TBC1D32: variants seen among roughly 807,000 people sequenced by gnomAD.
The protein encoded by TBC1D32 is TBC1 domain family member 32.
TBC1D32 carries 151 observed loss-of-function variants against 170.3 expected under a neutral mutation model. The ratio of observed to expected loss-of-function variants is 0.89; its 90% CI spans 0.78 to 1.01. TBC1D32 has a LOEUF of 1.01. Ranked by LOEUF, TBC1D32 falls within the 50% of genes least tolerant of loss-of-function variation. TBC1D32 has a pLI of 0.00. For missense variants in TBC1D32, 1,464 were observed against 1,457.1 expected, an observed-to-expected ratio of 1.00 and a Z score of -0.08; for synonymous variants, 498 against 488.0, an observed-to-expected ratio of 1.02 and a Z score of -0.27.
At chr6:121,314,773 T>C (rs1301861664) in intron 3 of TBC1D32, among the ~76,000 whole-genome samples, 4 of 152,162 alleles carry the variant, frequency 2.6e-5, no homozygotes, top group Non-Finnish European at 5.9e-5. Context: ...CAGTTAAAAA[T>C]GGCCCAGAGA....
intron 24 of TBC1D32, among the ~76,000 whole-genome samples, chr6:121,145,095 A>G (rs1040442744): frequency 1.8e-4 from 28 of 152,262 alleles, no homozygotes; most frequent in East Asian, 5.8e-4. Flanking sequence ...TAATGGGAAT[A>G]CTCAGCTAAC....
intron 22 of TBC1D32, among the ~76,000 whole-genome samples, chr6:121,170,224 A>G (rs1473318704): frequency 6.6e-6 from 1 of 151,960 alleles, no homozygotes; most frequent in Admixed American, 6.6e-5. Context: ...AGCACTCTCC[A>G]AACACTTCTA....
At chr6:121,293,804 G>C (rs1805217451) in intron 11 of TBC1D32, among the ~76,000 whole-genome samples, 1 of 152,046 alleles carries the variant, frequency 6.6e-6, no homozygotes, top group South Asian at 2.1e-4. Context: ...CCAGCTACTT[G>C]GGAGGCTGAG....
At chr6:121,234,514 T>G (rs1381642129) in intron 20 of TBC1D32, among the ~76,000 whole-genome samples, 1 of 152,104 alleles carries the variant, frequency 6.6e-6, no homozygotes. Flanking sequence ...ACTGAGACTT[T>G]CCAGTGCATT....
At chr6:121,184,154 C>T (rs115597000) in intron 22 of TBC1D32, among the ~76,000 whole-genome samples, 1,904 of 152,134 alleles carry the variant, frequency 0.013, 37 homozygotes, top group African/African-American at 0.043. Flanking sequence ...TCACCAGGCA[C>T]GGACAATGTA....
intron 30 of TBC1D32, among the ~76,000 whole-genome samples, chr6:121,101,655 G>T (rs958565601): frequency 3.9e-5 from 6 of 152,134 alleles, no homozygotes; most frequent in Admixed American, 1.3e-4. Context: ...AAAACTGGAA[G>T]CATTCCCTTT....
At chr6:121,089,612 C>T (rs939556035) in intron 31 of TBC1D32, among the ~76,000 whole-genome samples, 2 of 152,014 alleles carry the variant, frequency 1.3e-5, no homozygotes, top group African/African-American at 2.4e-5. Flanking sequence ...TCTCAGCATA[C>T]TTTTTCATTA....
At chr6:121,270,067 G>A (rs1192033481) in intron 15 of TBC1D32, among the ~76,000 whole-genome samples, 2 of 151,954 alleles carry the variant, frequency 1.3e-5, no homozygotes, top group African/African-American at 2.4e-5. Flanking sequence ...AAACCAACGA[G>A]AACAAAGACA....
chr6:121,274,922 T>C (rs1802017436), intron 15 of TBC1D32, among the ~76,000 whole-genome samples: 1 of 152,106 alleles, frequency 6.6e-6, no homozygotes, highest in African/African-American at 2.4e-5. Flanking sequence ...TGTAGATGGC[T>C]TAGCACTGCA....
intron 2 of TBC1D32, among the ~76,000 whole-genome samples, chr6:121,319,291 G>A (rs1809361908): frequency 6.6e-6 from 1 of 151,986 alleles, no homozygotes; most frequent in South Asian, 2.1e-4. Flanking sequence ...GACATAAAGA[G>A]CAAAAAGAAG....
chr6:121,311,401 A>G (rs1021426739), intron 3 of TBC1D32, among the ~76,000 whole-genome samples: 1 of 152,218 alleles, frequency 6.6e-6, no homozygotes, highest in Admixed American at 6.5e-5. Flanking sequence ...CAATTTAAAC[A>G]TGTATAATAT....
At chr6:121,140,485 GTA>G (rs1782652864) in intron 24 of TBC1D32, among the ~76,000 whole-genome samples, 1 of 151,756 alleles carries the variant, frequency 6.6e-6, no homozygotes, top group Non-Finnish European at 1.5e-5. Context: ...ATATTATTTG[GTA>G]TATTACATTA....
intron 25 of TBC1D32, chr6:121,129,776 A>G (rs1781232755): frequency 2.9e-6 from 1 of 344,456 alleles, no homozygotes; most frequent in African/African-American, 2.2e-5. Context: ...GGATAAAAGG[A>G]AGAAGTCAAG....
intron 4 of TBC1D32, among the ~76,000 whole-genome samples, chr6:121,309,073 C>T (rs1193284735): frequency 6.6e-6 from 1 of 151,928 alleles, no homozygotes; most frequent in Non-Finnish European, 1.5e-5. Context: ...AACTTTTAGA[C>T]AAAATAGACA....
At chr6:121,093,893 A>C (rs540055943) in intron 30 of TBC1D32, among the ~76,000 whole-genome samples, 1 of 152,268 alleles carries the variant, frequency 6.6e-6, no homozygotes, top group East Asian at 1.9e-4. Flanking sequence ...AGATGTTATT[A>C]TTTAACAAAT....
At chr6:121,285,039 G>A (rs1287057463) in intron 12 of TBC1D32, among the ~76,000 whole-genome samples, 3 of 152,100 alleles carry the variant, frequency 2.0e-5, no homozygotes, top group African/African-American at 7.2e-5. Flanking sequence ...CTACAAAACA[G>A]TATAAAAGAG....
chr6:121,299,715 AT>A (rs201604661), intron 9 of TBC1D32, among the ~76,000 whole-genome samples: 1,980 of 152,296 alleles, frequency 0.013, 37 homozygotes, highest in African/African-American at 0.043. Context: ...CTTGCAGATC[AT>A]TTAGTGACTG....
chr6:121,146,371 C>A (rs1043811810), intron 24 of TBC1D32, among the ~76,000 whole-genome samples: 2 of 152,154 alleles, frequency 1.3e-5, no homozygotes, highest in African/African-American at 4.8e-5. Flanking sequence ...ACAAGTCACA[C>A]TGGCAGTTCC....
chr6:121,236,097 C>T (rs527457962), intron 20 of TBC1D32, among the ~76,000 whole-genome samples: 6 of 149,382 alleles, frequency 4.0e-5, no homozygotes, highest in Admixed American at 3.3e-4. Context: ...TCCTCCCCAC[C>T]TTATTCTGTG....
Sources: gnomAD v4.1 joint callset for allele counts (sites outside exome capture counted in the v4.1 genomes callset) on GRCh38, gnomAD v4.1.1 for gene constraint, MANE v1.5 for transcripts, NCBI Gene and HGNC (gene_info 2026-07-23, HGNC 2026-07-21) for gene names.